The following PTPRS variants were observed in gnomAD, a reference collection of about 807,000 sequenced individuals.
PTPRS encodes the protein receptor-type tyrosine-protein phosphatase S.
A neutral mutation model predicts 215.3 loss-of-function variants in PTPRS; 63 were observed. That is an observed-to-expected ratio of 0.29 (90% CI 0.24 to 0.36). The LOEUF (loss-of-function observed/expected upper bound fraction) is 0.36. PTPRS is among the 10% of genes least tolerant of loss of function. PTPRS has a pLI of 1.00. For synonymous variants in PTPRS, 1,404 were observed against 1,191.4 expected, an observed-to-expected ratio of 1.18 and a Z score of -3.68; for missense variants, 2,258 against 2,825.8, an observed-to-expected ratio of 0.80 and a Z score of 4.56.
At chr19:5,333,503 TCACACACACA>T (rs35443727) in intron 1 of PTPRS, among the ~76,000 whole-genome samples, 1 of 147,726 alleles carries the variant, frequency 6.8e-6, no homozygotes. Context: ...GTGAGTCCTG[TCACACACACA>T]CACACACACA....
At position 5,218,465 on chromosome 19, in the gene PTPRS, G is replaced by T. The variant is rs749295712; in HGVS notation, c.4003C>A (p.Pro1335Thr). 12 of 1,614,004 alleles carry T rather than the reference G, an allele frequency of 7.4e-6. No individual in the cohort carries two copies. In the East Asian group the frequency reaches 2.0e-4, roughly 27 times the overall value. The change falls in exon 25 of 38, where the codon CCC becomes ACC. Residue 1335 changes from proline (P) to threonine (T), a missense_variant. By Grantham distance (38) the Pro-to-Thr change is conservative. Coordinates refer to ENST00000262963, the MANE Select transcript of PTPRS (RefSeq NM_002850.4). ...LNNADLAPHH[P>T]KDPVEMRRIN... is the part of the protein sequence containing the mutation. ...CGTCTCATTTCCACAGGGTCCTTGG[G>T]GTGGTGAGGGGCGAGGTCGGCATTG... is the stretch of plus-strand genomic sequence containing the variant.
At chr19:5,225,594 C>A in intron 17 of PTPRS, 133 bp downstream of exon 17, 2 of 809,720 alleles carry the variant, frequency 2.5e-6, no homozygotes, top group East Asian at 2.5e-5. Context: ...GCCCTCACAC[C>A]TTTGTCTCAC....
At chr19:5,218,835 A>G in intron 23 of PTPRS, 37 bp from the exon 24 acceptor site, 2 of 1,574,086 alleles carry the variant, frequency 1.3e-6, no homozygotes, top group Non-Finnish European at 1.7e-6. Flanking sequence ...GAAGGGGGAA[A>G]AAAAGAAGAA....
chr19:5,222,252 C>T, intron 18 of PTPRS, 32 bp from the exon 19 acceptor site: 1 of 1,569,078 alleles, frequency 6.4e-7, no homozygotes, highest in South Asian at 1.1e-5. Flanking sequence ...AGGGAGAGAG[C>T]AGAAGAGAGG....
intron 1 of PTPRS, among the ~76,000 whole-genome samples, chr19:5,309,351 C>T (rs1234486107): frequency 1.3e-5 from 2 of 152,218 alleles, no homozygotes; most frequent in Non-Finnish European, 2.9e-5. Context: ...CCCACAGCCC[C>T]TCCCAGGGCC....
chr19:5,288,420 C>T (rs914926660), intron 1 of PTPRS, among the ~76,000 whole-genome samples: 10 of 152,204 alleles, frequency 6.6e-5, no homozygotes, highest in African/African-American at 2.4e-4. Flanking sequence ...CAGTTGGGGA[C>T]TGGGAAGATG....
chr19:5,323,476 G>T (rs564554788), intron 1 of PTPRS, among the ~76,000 whole-genome samples: 3 of 152,382 alleles, frequency 2.0e-5, no homozygotes, highest in East Asian at 1.9e-4. Flanking sequence ...TTTAAATAGG[G>T]TGATCGGGGA....
chr19:5,294,000 G>A lies in PTPRS; in HGVS notation c.-94-7766C>T, dbSNP rs1171064871. The stretch of plus-strand genomic sequence containing the variant: ...AGCCAGCGTTGCGCCCGGGGTGCGG[G>A]TTTGAAAACTCCACCGGAGGGGCCC... On this transcript the variant is annotated intron_variant, in intron 1 of 37. Coordinates refer to ENST00000262963, the MANE Select transcript of PTPRS (RefSeq NM_002850.4). This position sits in a 1 kb window ranked among gnomAD's most constrained non-coding sequence, Gnocchi z 8.4. Among the ~76,000 whole-genome samples the A allele has an allele frequency of 2.0e-5, 3 of 152,182 alleles. No homozygotes were observed. In the East Asian group the frequency reaches 5.8e-4, roughly 29 times the overall value.
chr19:5,247,216 T>C (rs530470543), intron 9 of PTPRS, among the ~76,000 whole-genome samples: 24 of 149,646 alleles, frequency 1.6e-4, no homozygotes, highest in Non-Finnish European at 3.3e-4. Flanking sequence ...ATAATAATAA[T>C]AATTAATAAT....
chr19:5,320,511 ACT>A (rs1327364286), intron 1 of PTPRS, among the ~76,000 whole-genome samples: 1 of 151,954 alleles, frequency 6.6e-6, no homozygotes, highest in East Asian at 1.9e-4. Flanking sequence ...CTCACTGCAA[ACT>A]CTGCCTCAAA....
Position 5,221,047 on chromosome 19 carries a change from G to A in PTPRS, c.3408C>T (p.Gly1136=), listed in dbSNP as rs968188920. Residue 1136 remains glycine, a synonymous_variant, in exon 20 of 38, where the codon GGC becomes GGT. Transcript: ENST00000262963. The part of the protein sequence containing the change: ...PSVAPKPDAD[G]FIMVYLPDGQ... The stretch of plus-strand genomic sequence containing the variant: ...CGTCAGGAAGATACACCATGATGAA[G>A]CCGTCAGCATCAGGCTTGGGGGCGA... The A allele has an allele frequency of 2.2e-5, 35 of 1,613,514 alleles. No individual in the cohort carries two copies. Among genetic ancestry groups the A allele is most frequent in the Non-Finnish European group, 2.7e-5 (32 of 1,179,910 alleles).
chr19:5,310,579 A>G (rs1465369669), intron 1 of PTPRS, among the ~76,000 whole-genome samples: 1 of 152,100 alleles, frequency 6.6e-6, no homozygotes, highest in Non-Finnish European at 1.5e-5. Flanking sequence ...CGGCCTCCCA[A>G]AGTGCTAAAA....
intron 10 of PTPRS, among the ~76,000 whole-genome samples, chr19:5,245,352 G>A (rs1433678935): frequency 1.3e-5 from 2 of 151,886 alleles, no homozygotes; most frequent in Non-Finnish European, 2.9e-5. Context: ...GCAGTAGTGC[G>A]ATCATAGCTC....
intron 2 of PTPRS, among the ~76,000 whole-genome samples, chr19:5,283,726 G>A (rs1282414362): frequency 6.6e-6 from 1 of 152,310 alleles, no homozygotes; most frequent in South Asian, 2.1e-4. Flanking sequence ...TGGTCCCTGA[G>A]GGAGTGTGGT....
chr19:5,278,197 A>T (rs1239882900), intron 2 of PTPRS: 3 of 379,636 alleles, frequency 7.9e-6, no homozygotes, highest in Non-Finnish European at 1.5e-5. Context: ...AAAAAAAAAA[A>T]AAGGGAGTGG....
In PTPRS at chr19:5,216,780, A is replaced by C. The variant is rs1389487526; in HGVS notation, c.4049-13T>G. 3 of 1,547,800 alleles carry C rather than the reference A, an allele frequency of 1.9e-6. No homozygotes were observed. Among genetic ancestry groups the C allele is most frequent in the South Asian group, 2.4e-5 (2 of 84,320 alleles). On this transcript the variant is annotated splice_polypyrimidine_tract_variant and intron_variant, in intron 25 of 37. Transcript: ENST00000262963. ...CTGAGGCCTGAATCTGCAAACAGCA[A>C]ACAATAAATAAATGAAAACATGCAG...
chr19:5,219,809 C>T lies in PTPRS; in HGVS notation c.3765+130G>A, dbSNP rs1044368917. 29 of 1,096,156 alleles carry T rather than the reference C, an allele frequency of 2.6e-5. No individual in the cohort carries two copies. The South Asian group carries it at 4.4e-4, about 17-fold the overall frequency. The allele number at this position is 1,096,156 out of a possible 1,614,324, so 67.9% of individuals were successfully genotyped here. On this transcript the variant is annotated intron_variant, in intron 22 of 37. Transcript: ENST00000262963. ...TTTCAGGATCCCTCCGCTCCCAAGT[C>T]TTCCCCTCTGCCCAGCTCTGACCAC...
rs1049849844 is a variant in PTPRS, at chr19:5,207,833, C to T, written c.5778+89G>A. 5.8e-6 allele frequency: 9 copies of T among 1,554,400 alleles called. No individual in the cohort carries two copies. In the Admixed American group the frequency reaches 1.4e-4, roughly 24 times the overall value. ...CAGTGACCCAGAGAGTCCCAGGTGGCTGTACCCATCTCACAGAGGAGGAAA... is the reference window on the plus strand; with the variant it reads ...CAGTGACCCAGAGAGTCCCAGGTGGTTGTACCCATCTCACAGAGGAGGAAA... On this transcript the variant is annotated intron_variant, in intron 37 of 37. Coordinates refer to ENST00000262963, the MANE Select transcript of PTPRS (RefSeq NM_002850.4).
rs2045704556 is a variant in PTPRS at position 5,257,996 on chromosome 19, C to T, written c.706+21G>A. ...GGACGGGGCGGGTCCCTGCCTTTGA[C>T]CTGGACGCGGCGTTCCCTACCTCGC... On this transcript the variant is annotated intron_variant, in intron 8 of 37. Coordinates refer to ENST00000262963, the MANE Select transcript of PTPRS (RefSeq NM_002850.4). This position sits in a 1 kb window ranked among gnomAD's most constrained non-coding sequence, Gnocchi z 4.4. 2.5e-6 allele frequency: 4 copies of T among 1,603,770 alleles called. No individual in the cohort carries two copies. The highest frequency in any genetic ancestry group is 1.1e-5 in the South Asian group (1 of 90,558).
Sources: allele counts gnomAD v4.1 joint callset (sites outside exome capture counted in the v4.1 genomes callset), GRCh38; gene constraint gnomAD v4.1.1; non-coding constraint Gnocchi (gnomAD v3.1); transcripts MANE v1.5; gene names NCBI Gene and HGNC (gene_info 2026-07-23, HGNC 2026-07-21).